The following IL34 variants were observed in gnomAD, a reference collection of about 807,000 sequenced individuals.
The protein encoded by IL34 is interleukin-34.
IL34 carries 17 observed loss-of-function variants against 25.3 expected under a neutral mutation model. That is an observed-to-expected ratio of 0.67 (90% confidence interval 0.46 to 1.01). The LOEUF is 1.01. Among genes scored for constraint, IL34 ranks in the 50% least tolerant of loss-of-function variants. The probability of loss-of-function intolerance (pLI) is 0.00; values close to 1 mark genes in which losing one functional copy is unlikely to be tolerated. For synonymous variants in IL34, 174 were observed against 140.9 expected (o/e 1.23, Z -1.66); for missense variants, 368 against 312.9 (o/e 1.18, Z -1.33).
intron 1 of IL34, among the ~76,000 whole-genome samples, chr16:70,601,862 C>T (rs887972836): frequency 2.6e-5 from 4 of 152,220 alleles, no homozygotes; most frequent in African/African-American, 7.2e-5. Context: ...GCTGCCTGGC[C>T]GGAGACAAGG....
chr16:70,649,112 G>C (rs1401471207), intron 1 of IL34, among the ~76,000 whole-genome samples: 1 of 152,124 alleles, frequency 6.6e-6, no homozygotes, highest in African/African-American at 2.4e-5. Flanking sequence ...GAGCCCCCAA[G>C]GGGGCTTAGC....
chr16:70,626,539 G>T (rs1201533126), intron 1 of IL34, among the ~76,000 whole-genome samples: 2 of 152,098 alleles, frequency 1.3e-5, no homozygotes, highest in Non-Finnish European at 2.9e-5. Context: ...TGGGATTACA[G>T]GCATGCGCCA....
At chr16:70,596,596 C>T (rs936859109) in intron 1 of IL34, among the ~76,000 whole-genome samples, 4 of 152,122 alleles carry the variant, frequency 2.6e-5, no homozygotes, top group African/African-American at 4.8e-5. Flanking sequence ...AACTGGAGCC[C>T]CTGAAGCCAC....
At chr16:70,605,227 T>C (rs2050985209) in intron 1 of IL34, among the ~76,000 whole-genome samples, 1 of 152,126 alleles carries the variant, frequency 6.6e-6, no homozygotes, top group Non-Finnish European at 1.5e-5. Flanking sequence ...AGAAAGGCTG[T>C]TGTGAGTCTC....
At chr16:70,580,746 A>C (rs574859318) in intron 1 of IL34, among the ~76,000 whole-genome samples, 3 of 150,252 alleles carry the variant, frequency 2.0e-5, no homozygotes, top group Non-Finnish European at 4.4e-5. Context: ...ACACCACTGC[A>C]CTCCAGCCTG....
chr16:70,614,666 G>T (rs1242329969), intron 1 of IL34, among the ~76,000 whole-genome samples: 1 of 152,208 alleles, frequency 6.6e-6, no homozygotes, highest in African/African-American at 2.4e-5. Flanking sequence ...AGATAACTGG[G>T]TTTTAAGGGA....
chr16:70,619,008 T>G (rs1389416383), intron 1 of IL34, among the ~76,000 whole-genome samples: 1 of 151,770 alleles, frequency 6.6e-6, no homozygotes, highest in Non-Finnish European at 1.5e-5. Context: ...GATAGGAGAG[T>G]ATATGGGTTT....
chr16:70,635,619 T>C (rs979112937), intron 1 of IL34, among the ~76,000 whole-genome samples: 2 of 152,174 alleles, frequency 1.3e-5, no homozygotes, highest in African/African-American at 4.8e-5. Flanking sequence ...AAGGGTCCCA[T>C]TGACTGGTCC....
chr16:70,582,209 A>G (rs900095857), intron 1 of IL34, among the ~76,000 whole-genome samples: 2 of 152,254 alleles, frequency 1.3e-5, no homozygotes, highest in African/African-American at 4.8e-5. Context: ...CAAGGATGGC[A>G]GGTGGAGCAT....
chr16:70,602,003 G>T (rs2050925329), intron 1 of IL34, among the ~76,000 whole-genome samples: 1 of 152,218 alleles, frequency 6.6e-6, no homozygotes, highest in Non-Finnish European at 1.5e-5. Flanking sequence ...AAGTTGAATT[G>T]CTCCTCTCCA....
upstream of IL34, among the ~76,000 whole-genome samples, chr16:70,642,240 CAG>C (rs544425905): frequency 4.1e-4 from 60 of 145,752 alleles, no homozygotes; most frequent in Non-Finnish European, 4.8e-4. Flanking sequence ...TGGGAAGAGA[CAG>C]AGAGAGAGAG....
At chr16:70,656,388 A>T (rs1289470766) in intron 2 of IL34, among the ~76,000 whole-genome samples, 1 of 152,186 alleles carries the variant, frequency 6.6e-6, no homozygotes. Flanking sequence ...GCGTGGTGGC[A>T]CACACCTGTA....
chr16:70,597,580 C>T (rs571401203), intron 1 of IL34, among the ~76,000 whole-genome samples: 55 of 152,276 alleles, frequency 3.6e-4, no homozygotes, highest in African/African-American at 1.3e-3. Context: ...AGGACTAATC[C>T]AGAAAGACTG....
At chr16:70,589,644 CAG>C in intron 1 of IL34, among the ~76,000 whole-genome samples, 1 of 141,490 alleles carries the variant, frequency 7.1e-6, no homozygotes, top group Admixed American at 7.2e-5. Context: ...TTTTTTGAGA[CAG>C]AGTTTTGCTC....
At chr16:70,650,474 G>T (rs1297177600) in intron 1 of IL34, among the ~76,000 whole-genome samples, 1 of 152,140 alleles carries the variant, frequency 6.6e-6, no homozygotes, top group African/African-American at 2.4e-5. Flanking sequence ...ACAGCTGCCG[G>T]GTCCCCAGGG....
intron 1 of IL34, among the ~76,000 whole-genome samples, chr16:70,604,461 G>A (rs1332647955): frequency 2.0e-5 from 3 of 152,202 alleles, no homozygotes; most frequent in African/African-American, 7.2e-5. Context: ...TCCCAAGTCA[G>A]GAAGGGGAAA....
At chr16:70,638,995 G>A (rs1021059444) in intron 1 of IL34, among the ~76,000 whole-genome samples, 14 of 152,218 alleles carry the variant, frequency 9.2e-5, no homozygotes, top group African/African-American at 3.1e-4. Flanking sequence ...GTAGACACCT[G>A]GCTCTTAGTT....
intron 1 of IL34, among the ~76,000 whole-genome samples, chr16:70,651,879 A>T (rs1489122822): frequency 6.6e-6 from 1 of 152,156 alleles, no homozygotes; most frequent in East Asian, 1.9e-4. Context: ...TAATCCCAGC[A>T]CTTTGGGAGG....
intron 3 of IL34, 93 bp from the exon 4 acceptor site, chr16:70,656,867 G>C: frequency 7.2e-7 from 1 of 1,393,576 alleles, no homozygotes; most frequent in Non-Finnish European, 1.0e-6. Context: ...GCCCGCGTCT[G>C]CTCCCTATGC....
Sources: gnomAD v4.1 joint callset for allele counts (sites outside exome capture counted in the v4.1 genomes callset) on GRCh38, gnomAD v4.1.1 for gene constraint, MANE v1.5 for transcripts, NCBI Gene and HGNC (gene_info 2026-07-23, HGNC 2026-07-21) for gene names.